Variants in SAMMSON observed in about 807,000 individuals in gnomAD.
SAMMSON encodes the protein survival associated mitochondrial melanoma specific oncogenic non-coding RNA.
At chr3:70,163,126 TA>T (rs1468513231) in intron 4 of SAMMSON, among the ~76,000 whole-genome samples, 1 of 149,580 alleles carries the variant, frequency 6.7e-6, no homozygotes, top group Admixed American at 6.6e-5. Flanking sequence ...ATTGGATGCT[TA>T]ATCTATTCAC....
chr3:70,303,338 C>T (rs2030526), intron 7 of SAMMSON, among the ~76,000 whole-genome samples: 60,086 of 151,850 alleles, frequency 0.4, 12,318 homozygotes, highest in South Asian at 0.56. Context: ...ACCCAGGAGT[C>T]AGACTCATGG....
At chr3:70,377,074 A>G (rs1177424961) in intron 9 of SAMMSON, among the ~76,000 whole-genome samples, 1 of 152,294 alleles carries the variant, frequency 6.6e-6, no homozygotes, top group East Asian at 1.9e-4. Context: ...ACTCAAAACA[A>G]TAGAAATAAA....
intron 2 of SAMMSON, among the ~76,000 whole-genome samples, chr3:70,428,947 G>T (rs970476984): frequency 2.0e-5 from 3 of 152,128 alleles, no homozygotes; most frequent in Non-Finnish European, 4.4e-5. Flanking sequence ...TGGAACTTTA[G>T]ATAGAATAAG....
chr3:70,200,652 T>G (rs1197673145), intron 4 of SAMMSON, among the ~76,000 whole-genome samples: 1 of 152,210 alleles, frequency 6.6e-6, no homozygotes, highest in Non-Finnish European at 1.5e-5. Context: ...GGCATGAAAC[T>G]AATTAGTTTG....
chr3:70,087,557 G>A (rs2106644975), intron 4 of SAMMSON, among the ~76,000 whole-genome samples: 1 of 152,294 alleles, frequency 6.6e-6, no homozygotes, highest in East Asian at 1.9e-4. Context: ...TGAGATCCAA[G>A]TGGTATAGCC....
intron 4 of SAMMSON, among the ~76,000 whole-genome samples, chr3:70,128,934 G>A (rs929582556): frequency 1.3e-5 from 2 of 152,144 alleles, no homozygotes; most frequent in African/African-American, 4.8e-5. Flanking sequence ...AGTGTAGAAA[G>A]TAATATTTCA....
chr3:70,261,280 T>A (rs1364535849), intron 6 of SAMMSON, among the ~76,000 whole-genome samples: 2 of 152,154 alleles, frequency 1.3e-5, no homozygotes, highest in African/African-American at 4.8e-5. Flanking sequence ...TTTAAGAGAG[T>A]TAGTGCAGTG....
intron 4 of SAMMSON, among the ~76,000 whole-genome samples, chr3:70,189,129 T>C (rs1389293640): frequency 6.6e-6 from 1 of 152,178 alleles, no homozygotes; most frequent in Non-Finnish European, 1.5e-5. Flanking sequence ...TGACCTCTAT[T>C]CTCTTACTTT....
At chr3:70,404,470 A>C (rs1335084437) in intron 2 of SAMMSON, among the ~76,000 whole-genome samples, 1 of 152,150 alleles carries the variant, frequency 6.6e-6, no homozygotes, top group Non-Finnish European at 1.5e-5. Flanking sequence ...GGAAGGAGCT[A>C]CACTGACTTG....
chr3:70,035,039 C>A (rs1184329428), intron 3 of SAMMSON, among the ~76,000 whole-genome samples: 2 of 152,106 alleles, frequency 1.3e-5, no homozygotes, highest in African/African-American at 4.8e-5. Context: ...TGGCTGGATT[C>A]TCCGTTTAGG....
At chr3:70,413,352 C>A (rs1701237125) in intron 2 of SAMMSON, among the ~76,000 whole-genome samples, 1 of 152,026 alleles carries the variant, frequency 6.6e-6, no homozygotes, top group African/African-American at 2.4e-5. Context: ...TGTTTAGTTC[C>A]ACATAAAAAA....
intron 6 of SAMMSON, among the ~76,000 whole-genome samples, chr3:70,286,881 T>C (rs1702170583): frequency 6.6e-6 from 1 of 152,220 alleles, no homozygotes; most frequent in East Asian, 1.9e-4. Flanking sequence ...TGTATAAGAA[T>C]GCTTGTGATT....
In SAMMSON at chr3:70,294,976, C is replaced by G. The variant is rs528647309; in HGVS notation, n.739+3733C>G. Among the ~76,000 whole-genome samples the G allele has an allele frequency of 5.9e-5, 9 of 152,272 alleles. No individual in the cohort carries two copies. In the South Asian group the frequency reaches 1.9e-3, roughly 32 times the overall value. Reference sequence around the variant, plus strand: ...CTGAAGCAAACAAAAACCCCAAAAACCTTTACTAGAAGCCCCTAGCAGATG... The same window carrying G: ...CTGAAGCAAACAAAAACCCCAAAAAGCTTTACTAGAAGCCCCTAGCAGATG... On this transcript the variant is annotated intron_variant and non_coding_transcript_variant, in intron 7 of 9. Transcript: ENST00000642114.
At chr3:70,341,709 TC>T (rs1472761416) in intron 7 of SAMMSON, among the ~76,000 whole-genome samples, 1 of 152,156 alleles carries the variant, frequency 6.6e-6, no homozygotes, top group African/African-American at 2.4e-5. Context: ...TCATTTTTTG[TC>T]CACGAGGACA....
At chr3:70,021,106 A>G (rs958186808) in intron 3 of SAMMSON, among the ~76,000 whole-genome samples, 2 of 152,050 alleles carry the variant, frequency 1.3e-5, no homozygotes, top group Non-Finnish European at 2.9e-5. Flanking sequence ...TTTTCACCAC[A>G]TTGGCTGTTC....
chr3:70,414,258 G>A (rs1701244669), intron 2 of SAMMSON, among the ~76,000 whole-genome samples: 1 of 151,966 alleles, frequency 6.6e-6, no homozygotes. Flanking sequence ...CCATGACATG[G>A]TATTGAGAAA....
intron 6 of SAMMSON, among the ~76,000 whole-genome samples, chr3:70,270,023 G>T (rs1701958825): frequency 6.6e-6 from 1 of 152,184 alleles, no homozygotes; most frequent in Non-Finnish European, 1.5e-5. Context: ...AGAGTACAGT[G>T]ATAAATAAAT....
intron 3 of SAMMSON, among the ~76,000 whole-genome samples, chr3:70,065,027 T>C (rs996207435): frequency 6.6e-6 from 1 of 152,142 alleles, no homozygotes; most frequent in African/African-American, 2.4e-5. Context: ...ATTTCAGATG[T>C]GCTGTTTACA....
At chr3:70,348,258 A>G (rs183960461) in intron 7 of SAMMSON, among the ~76,000 whole-genome samples, 445 of 152,340 alleles carry the variant, frequency 2.9e-3, no homozygotes, top group Non-Finnish European at 5.0e-3. Flanking sequence ...ATGCCAGTGC[A>G]TCGGTGAAGA....
Sources: allele counts gnomAD v4.1 joint callset (sites outside exome capture counted in the v4.1 genomes callset), GRCh38; gene constraint gnomAD v4.1.1; transcripts MANE v1.5; gene names NCBI Gene and HGNC (gene_info 2026-07-23, HGNC 2026-07-21).